Variants in AGPS observed in about 807,000 individuals in gnomAD.
The protein encoded by AGPS is alkylglycerone phosphate synthase.
In AGPS, 26 loss-of-function variants were observed where a neutral mutation model predicts 90.7. That is an observed-to-expected ratio of 0.29 (90% confidence interval 0.21 to 0.40). The LOEUF is 0.40. Among genes scored for constraint, AGPS ranks in the 10% least tolerant of loss-of-function variants. AGPS has a pLI of 1.00. For synonymous variants in AGPS, 294 were observed against 285.3 expected (o/e 1.03, Z -0.31); for missense variants, 540 against 816.1 (o/e 0.66, Z 4.12).
chr2:177,492,305 A>G (rs1688286592), intron 11 of AGPS, among the ~76,000 whole-genome samples: 1 of 152,184 alleles, frequency 6.6e-6, no homozygotes, highest in Non-Finnish European at 1.5e-5. Flanking sequence ...TATATGTTAT[A>G]TGTATATTCT....
At chr2:177,480,853 C>T (rs748233121) in intron 10 of AGPS, among the ~76,000 whole-genome samples, 7 of 151,906 alleles carry the variant, frequency 4.6e-5, no homozygotes, top group African/African-American at 7.2e-5. Flanking sequence ...CAAAAGAGAA[C>T]GTTTAGTCAC....
intron 8 of AGPS, among the ~76,000 whole-genome samples, chr2:177,451,329 A>T (rs1686944434): frequency 6.6e-6 from 1 of 152,118 alleles, no homozygotes; most frequent in Non-Finnish European, 1.5e-5. Context: ...TGGTATTTTT[A>T]AAAATTGTCA....
chr2:177,436,271 C>G (rs1444583667), intron 3 of AGPS, among the ~76,000 whole-genome samples: 1 of 151,052 alleles, frequency 6.6e-6, no homozygotes, highest in Non-Finnish European at 1.5e-5. Flanking sequence ...CCTGCCTCAG[C>G]CTCCCAAGTA....
chr2:177,442,580 C>A, intron 7 of AGPS, 94 bp downstream of exon 7: 1 of 1,044,680 alleles, frequency 9.6e-7, no homozygotes, highest in Non-Finnish European at 1.4e-6. Context: ...GGCGCTGTGG[C>A]TCACGCTTGT....
intron 1 of AGPS, among the ~76,000 whole-genome samples, chr2:177,397,995 G>A (rs564004695): frequency 6.6e-6 from 1 of 152,252 alleles, no homozygotes; most frequent in Admixed American, 6.5e-5. Flanking sequence ...TTGCGTCATT[G>A]TACTCCAGGC....
intron 1 of AGPS, among the ~76,000 whole-genome samples, chr2:177,405,024 CAAGGGT>C (rs1685427957): frequency 6.6e-6 from 1 of 152,070 alleles, no homozygotes; most frequent in South Asian, 2.1e-4. Flanking sequence ...CCAAAGAACC[CAAGGGT>C]AAGAATGGAG....
intron 6 of AGPS, among the ~76,000 whole-genome samples, chr2:177,441,882 C>T (rs1686613641): frequency 6.6e-6 from 1 of 152,176 alleles, no homozygotes; most frequent in Admixed American, 6.5e-5. Context: ...CACCAAAGAA[C>T]ATATAAATGT....
At chr2:177,420,640 A>C (rs1685917109) in intron 2 of AGPS, among the ~76,000 whole-genome samples, 1 of 151,628 alleles carries the variant, frequency 6.6e-6, no homozygotes, top group South Asian at 2.1e-4. Context: ...AATAGCAAAA[A>C]ATTTTTATTT....
In AGPS at chr2:177,499,599, A is replaced by C. The variant is rs529358014; in HGVS notation, c.1363-19A>C. ...AGGATAAGACTTATCTGTAATAATA[A>C]ATTTTTTTTTTTTTGTAGTTTAAAG... On this transcript the variant is annotated intron_variant, in intron 13 of 19. Coordinates refer to ENST00000264167, the MANE Select transcript of AGPS (RefSeq NM_003659.4). 1.2e-5 allele frequency: 17 copies of C among 1,397,848 alleles called. No homozygotes were observed. The highest frequency in any genetic ancestry group is 2.9e-5 in the African/African-American group (2 of 70,146). 86.6% of individuals were successfully genotyped at this position (1,397,848 alleles called of 1,614,324 possible).
At chr2:177,435,810 C>A (rs190770740) in intron 3 of AGPS, among the ~76,000 whole-genome samples, 1 of 152,292 alleles carries the variant, frequency 6.6e-6, no homozygotes, top group African/African-American at 2.4e-5. Flanking sequence ...TTATAGACTT[C>A]TTCCTATATT....
chr2:177,491,768 C>CT (rs1376067120), intron 11 of AGPS, among the ~76,000 whole-genome samples: 1 of 119,194 alleles, frequency 8.4e-6, no homozygotes, highest in South Asian at 3.7e-4. Context: ...CTTCCCCCCC[C>CT]CCCCCTTTTT....
chr2:177,396,942 C>T (rs1391891398), intron 1 of AGPS, among the ~76,000 whole-genome samples: 1 of 140,572 alleles, frequency 7.1e-6, no homozygotes, highest in African/African-American at 2.6e-5. Context: ...TTTTTCTTTT[C>T]TTTTTTTTTT....
intron 12 of AGPS, among the ~76,000 whole-genome samples, chr2:177,493,494 A>C (rs888681804): frequency 6.6e-6 from 1 of 152,170 alleles, no homozygotes; most frequent in African/African-American, 2.4e-5. Context: ...GCTTGAGCTA[A>C]ATCTTCAAAG....
At chr2:177,492,628 T>C (rs1688298527) in intron 11 of AGPS, among the ~76,000 whole-genome samples, 1 of 152,194 alleles carries the variant, frequency 6.6e-6, no homozygotes, top group Non-Finnish European at 1.5e-5. Flanking sequence ...TAAAGCTGTG[T>C]GTGCATGTGT....
rs139009700 is a variant in AGPS at position 177,486,303 on chromosome 2, G to A, written c.1233+4117G>A. Among the ~76,000 whole-genome samples the A allele has an allele frequency of 2.2e-3, 339 of 152,240 alleles. 3 individuals carry two copies. The highest frequency in any genetic ancestry group is 8.0e-3 in the African/African-American group (332 of 41,550). ...AGAGGCATTAATGTTTATCTTACCT[G>A]GAAATGGATAAAAGGTTTTATAATG... On this transcript the variant is annotated intron_variant, in intron 11 of 19. Transcript: ENST00000264167.
At chr2:177,415,724 G>A (rs1036088689) in intron 1 of AGPS, among the ~76,000 whole-genome samples, 3 of 152,114 alleles carry the variant, frequency 2.0e-5, no homozygotes, top group African/African-American at 7.2e-5. Flanking sequence ...CATTTAGATA[G>A]TCTGACTGCC....
chr2:177,434,303 AT>A (rs1559044166), intron 2 of AGPS, 23 bp from the exon 3 acceptor site: 2 of 1,546,470 alleles, frequency 1.3e-6, no homozygotes, highest in East Asian at 4.5e-5. Context: ...TTGCTCTAAT[AT>A]TTTTACTTTC....
At chr2:177,487,900 G>C (rs1409244667) in intron 11 of AGPS, among the ~76,000 whole-genome samples, 2 of 152,080 alleles carry the variant, frequency 1.3e-5, no homozygotes, top group Middle Eastern at 3.4e-3. Context: ...TTATCTTTTG[G>C]TCTTTTCCTT....
chr2:177,393,684 A>G, intron 1 of AGPS: 1 of 540,380 alleles, frequency 1.9e-6, no homozygotes, highest in Non-Finnish European at 2.4e-6. Context: ...AAGCTAAAAG[A>G]CAAGAGTCTA....
Sources: gnomAD v4.1 joint callset for allele counts (sites outside exome capture counted in the v4.1 genomes callset) on GRCh38, gnomAD v4.1.1 for gene constraint, MANE v1.5 for transcripts, NCBI Gene and HGNC (gene_info 2026-07-23, HGNC 2026-07-21) for gene names.